UPP2: variants seen among roughly 807,000 people sequenced by gnomAD.
The protein encoded by UPP2 is UPase 2.
A neutral mutation model predicts 26.7 loss-of-function variants in UPP2; 23 were observed. The observed-to-expected ratio is 0.86, with a 90% confidence interval of 0.62 to 1.22. The LOEUF is 1.22. Among genes scored for constraint, UPP2 ranks in the 50% most tolerant of loss-of-function variants. The pLI is 0.00. For missense variants in UPP2, 387 were observed against 396.7 expected (o/e 0.98, Z 0.21); for synonymous variants, 127 against 141.3 (o/e 0.90, Z 0.72).
chr2:158,019,582 T>A (rs1415530841), intron 3 of UPP2, among the ~76,000 whole-genome samples: 1 of 151,740 alleles, frequency 6.6e-6, no homozygotes, highest in African/African-American at 2.4e-5. Context: ...ATAGCCTGTA[T>A]AGGTTATTTC....
In UPP2 at chr2:158,118,005, T is replaced by A; in HGVS notation, c.454+67T>A. 5 of 1,340,758 alleles carry A rather than the reference T, an allele frequency of 3.7e-6. No homozygotes were observed. The Admixed American group carries it at 6.9e-5, about 19-fold the overall frequency. 83.1% of individuals were successfully genotyped at this position (1,340,758 alleles called of 1,614,324 possible). A position where few individuals can be genotyped will look rare whatever the true frequency, so the allele number is the denominator to read the frequency against. Reference sequence around the variant, plus strand: ...TACATACATGGTAGCTGCCAAAATATAACATCCTATTCAGAGCCCAGCAAA... The same window carrying A: ...TACATACATGGTAGCTGCCAAAATAAAACATCCTATTCAGAGCCCAGCAAA... On this transcript the variant is annotated intron_variant, in intron 4 of 6. Coordinates refer to ENST00000005756, the MANE Select transcript of UPP2 (RefSeq NM_173355.4).
intron 3 of UPP2, among the ~76,000 whole-genome samples, chr2:158,089,167 G>C (rs1306555714): frequency 6.6e-6 from 1 of 152,106 alleles, no homozygotes; most frequent in Admixed American, 6.6e-5. Flanking sequence ...TGGCTGCTGG[G>C]GGGATAGGGG....
intron 3 of UPP2, among the ~76,000 whole-genome samples, chr2:158,072,541 G>A (rs949853327): frequency 2.6e-5 from 4 of 152,078 alleles, no homozygotes; most frequent in African/African-American, 9.7e-5. Context: ...GTGGTGTGCT[G>A]GCTTCAGGTC....
intron 3 of UPP2, among the ~76,000 whole-genome samples, chr2:158,028,792 T>C (rs1683875343): frequency 6.6e-6 from 1 of 152,170 alleles, no homozygotes; most frequent in Non-Finnish European, 1.5e-5. Flanking sequence ...ACTTCTTACA[T>C]GGCGGCAGCA....
chr2:158,100,335 C>T (rs16842594), upstream of UPP2, among the ~76,000 whole-genome samples: 4,019 of 152,226 alleles, frequency 0.026, 180 homozygotes, highest in African/African-American at 0.088. Flanking sequence ...GAATCTGCAC[C>T]GGAAACAGAC....
intron 3 of UPP2, among the ~76,000 whole-genome samples, chr2:158,091,448 C>T (rs993581019): frequency 4.6e-5 from 7 of 152,108 alleles, no homozygotes; most frequent in East Asian, 1.9e-4. Context: ...AAATAGGATA[C>T]GGTTTTTAAA....
In UPP2 at chr2:158,115,260, G is replaced by T; in HGVS notation, c.339+1G>T. The T allele has an allele frequency of 6.2e-7, 1 of 1,602,112 alleles. No individual in the cohort carries two copies. The highest frequency in any genetic ancestry group is 8.5e-7 in the Non-Finnish European group (1 of 1,174,628). On this transcript the variant is annotated splice_donor_variant, in intron 3 of 6. Coordinates refer to ENST00000005756, the MANE Select transcript of UPP2 (RefSeq NM_173355.4). LOFTEE classifies it high-confidence loss of function. The stretch of plus-strand genomic sequence containing the variant: ...AACCGGGCCTGTGCTCGCCATCAGT[G>T]TAAGTATCCATGGTTGCATTTCAGC...
At chr2:158,114,963 A>C (rs1039808422) in intron 2 of UPP2, 138 bp from the exon 3 acceptor site, 3 of 771,446 alleles carry the variant, frequency 3.9e-6, no homozygotes, top group South Asian at 4.5e-5. Context: ...TAGCTAATTC[A>C]TGGAACATAA....
intron 6 of UPP2, among the ~76,000 whole-genome samples, chr2:158,132,454 C>T (rs1296762664): frequency 6.6e-6 from 1 of 152,172 alleles, no homozygotes; most frequent in African/African-American, 2.4e-5. Flanking sequence ...CATTCTAAGC[C>T]CTCATTTAAT....
chr2:158,002,031 A>G (rs571732065), intron 2 of UPP2, among the ~76,000 whole-genome samples: 1 of 150,370 alleles, frequency 6.7e-6, no homozygotes, highest in African/African-American at 2.4e-5. Context: ...CTCATATGGA[A>G]GGAGGCTACG....
intron 5 of UPP2, among the ~76,000 whole-genome samples, chr2:158,121,990 C>T (rs933977470): frequency 7.2e-5 from 11 of 151,956 alleles, no homozygotes; most frequent in African/African-American, 1.4e-4. Context: ...TCCTGTCCCC[C>T]GGAAACAGTG....
chr2:158,090,527 AAAC>A (rs1429240105), intron 3 of UPP2, among the ~76,000 whole-genome samples: 248 of 146,226 alleles, frequency 1.7e-3, no homozygotes, highest in African/African-American at 6.7e-3. Flanking sequence ...CCCAAAAAAC[AAAC>A]AAACAAACAA....
intron 3 of UPP2, among the ~76,000 whole-genome samples, chr2:158,037,618 G>A (rs1684024255): frequency 6.6e-6 from 1 of 151,988 alleles, no homozygotes; most frequent in Admixed American, 6.5e-5. Flanking sequence ...GGGACTCCTT[G>A]GCTTGTAGAG....
In UPP2 at chr2:158,127,116, C is replaced by A. The variant is rs989455319; in HGVS notation, c.811+3221C>A. Among the ~76,000 whole-genome samples, 4 of 152,308 alleles carry A rather than the reference C, an allele frequency of 2.6e-5. No homozygotes were observed. The South Asian group carries it at 8.3e-4, about 32-fold the overall frequency. On this transcript the variant is annotated intron_variant, in intron 6 of 6. Transcript: ENST00000005756. ...TTAGCACAAGGAGGCCTTGGGTCCA[C>A]GTGGATTACCACTTATTATCTTTGC...
chr2:158,038,245 G>T (rs1456870801), intron 3 of UPP2, among the ~76,000 whole-genome samples: 1 of 152,168 alleles, frequency 6.6e-6, no homozygotes, highest in Non-Finnish European at 1.5e-5. Flanking sequence ...CAGTCTACCA[G>T]ATGTTTTAAA....
chr2:158,082,092 A>G (rs1682736356), intron 3 of UPP2, among the ~76,000 whole-genome samples: 1 of 151,850 alleles, frequency 6.6e-6, no homozygotes, highest in Non-Finnish European at 1.5e-5. Flanking sequence ...CTGGGACTAC[A>G]GGTGCCCATT....
At chr2:158,054,132 G>A (rs1341018633) in intron 3 of UPP2, among the ~76,000 whole-genome samples, 3 of 152,110 alleles carry the variant, frequency 2.0e-5, no homozygotes, top group Non-Finnish European at 2.9e-5. Context: ...TTAGCTGGGC[G>A]CAGTGGCACA....
At chr2:158,041,253 A>G (rs1574259224) in intron 3 of UPP2, among the ~76,000 whole-genome samples, 2 of 152,334 alleles carry the variant, frequency 1.3e-5, no homozygotes, top group East Asian at 3.9e-4. Flanking sequence ...TGAAAGGTAT[A>G]AAATCATTTA....
chr2:158,040,860 C>T (rs1170237762), intron 3 of UPP2, among the ~76,000 whole-genome samples: 3 of 152,168 alleles, frequency 2.0e-5, no homozygotes, highest in Non-Finnish European at 2.9e-5. Flanking sequence ...TGGAATGTAA[C>T]TAATATTACT....
Sources: gnomAD v4.1 joint callset for allele counts (sites outside exome capture counted in the v4.1 genomes callset) on GRCh38, gnomAD v4.1.1 for gene constraint, MANE v1.5 for transcripts, NCBI Gene and HGNC (gene_info 2026-07-23, HGNC 2026-07-21) for gene names.